Variants in CDK17 observed in about 807,000 individuals in gnomAD.
The protein encoded by CDK17 is cyclin-dependent kinase 17.
Under a neutral mutation model 77.6 loss-of-function variants are expected in CDK17, and 24 were observed. The observed-to-expected ratio is 0.31, with a 90% CI of 0.22 to 0.44. The LOEUF (loss-of-function observed/expected upper bound fraction) is 0.44, where lower values mean the gene tolerates loss of function less well. CDK17 is among the 20% of genes least tolerant of loss of function. The pLI is 1.00. For missense variants in CDK17, 429 were observed against 622.5 expected (o/e 0.69, Z 3.31); for synonymous variants, 203 against 210.4 (o/e 0.96, Z 0.30).
intron 13 of CDK17, among the ~76,000 whole-genome samples, chr12:96,285,015 T>A (rs1952229057): frequency 6.6e-6 from 1 of 152,146 alleles, no homozygotes; most frequent in African/African-American, 2.4e-5. Flanking sequence ...GTCTAGACAT[T>A]CTATGTAGTT....
intron 1 of CDK17, among the ~76,000 whole-genome samples, chr12:96,336,256 G>A (rs1480297864): frequency 1.3e-5 from 2 of 152,114 alleles, no homozygotes; most frequent in Non-Finnish European, 2.9e-5. Flanking sequence ...GGGGTCAGGA[G>A]GTTAAGACCA....
intron 1 of CDK17, among the ~76,000 whole-genome samples, chr12:96,391,599 T>A (rs535585929): frequency 6.6e-6 from 1 of 152,308 alleles, no homozygotes; most frequent in Non-Finnish European, 1.5e-5. Flanking sequence ...CCAGTTTTTT[T>A]CGGTTAAACC....
Position 96,400,154 on chromosome 12 carries a change from CGCCGCGGGTCCGGAGCCTCGGGAGGG to C in CDK17, c.-224_-199del, listed in dbSNP as rs1345527696. On this transcript the variant is annotated 5_prime_UTR_variant, in exon 1 of 17. Transcript: ENST00000261211. ...GCCGCCACAGCCGCCTTCCGGCTCT[CGCCGCGGGTCCGGAGCCTCGGGAGGG>C]GCCGCGGGTGTCTCACGCGTTGCCA... The C allele has an allele frequency of 2.6e-4, 102 of 394,476 alleles. No homozygotes were observed. Among genetic ancestry groups the C allele is most frequent in the African/African-American group, 1.6e-3 (79 of 48,500 alleles). 24.4% of individuals were successfully genotyped at this position (394,476 alleles called of 1,614,324 possible). A position where few individuals can be genotyped will look rare whatever the true frequency, so the allele number is the denominator to read the frequency against.
At chr12:96,317,114 G>A (rs1363526958) in intron 3 of CDK17, among the ~76,000 whole-genome samples, 2 of 143,886 alleles carry the variant, frequency 1.4e-5, no homozygotes, top group Non-Finnish European at 3.1e-5. Context: ...GTGCTTAAAG[G>A]AGCTGATGGA....
At position 96,297,288 on chromosome 12, in the gene CDK17, C is replaced by T; in HGVS notation, c.855G>A (p.Met285Ile). The T allele has an allele frequency of 6.2e-7, 1 of 1,610,922 alleles. No homozygotes were observed. Among genetic ancestry groups the T allele is most frequent in the Non-Finnish European group, 8.5e-7 (1 of 1,177,966 alleles). The change falls in exon 9 of 17, where the codon ATG (methionine) becomes ATA (isoleucine). Residue 285 changes from methionine to isoleucine, a missense_variant. By Grantham distance (10) the Met-to-Ile change is conservative (BLOSUM62 1). Around this residue, in one of 4 missense-constraint regions of CDK17, gnomAD observed 262 missense variants for 385.4 expected, o/e 0.68. Transcript: ENST00000261211. ...KQYMDDCGNI[M>I]SMHNVKLFLY... ...AACATACCTTTACGTTGTGCATACT[C>T]ATGATGTTTCCACAGTCATCCATGT...
chr12:96,368,148 T>C (rs762446331), intron 1 of CDK17, among the ~76,000 whole-genome samples: 1 of 152,136 alleles, frequency 6.6e-6, no homozygotes, highest in Non-Finnish European at 1.5e-5. Flanking sequence ...TATTTCTCTA[T>C]TCAACACAGA....
intron 5 of CDK17, among the ~76,000 whole-genome samples, chr12:96,304,263 G>C (rs1217623327): frequency 6.6e-6 from 1 of 152,168 alleles, no homozygotes; most frequent in African/African-American, 2.4e-5. Context: ...ACGGGGCCGG[G>C]CACGGTGGCT....
chr12:96,353,251 C>G (rs991636829), intron 1 of CDK17, among the ~76,000 whole-genome samples: 2 of 152,140 alleles, frequency 1.3e-5, no homozygotes, highest in African/African-American at 4.8e-5. Flanking sequence ...TACATTTCAG[C>G]TACTTCCCCT....
chr12:96,343,062 G>A (rs11108475), intron 1 of CDK17, among the ~76,000 whole-genome samples: 46,735 of 152,048 alleles, frequency 0.31, 7,508 homozygotes, highest in East Asian at 0.58. Context: ...AAAAAGAAAT[G>A]TACCAAAGAT....
chr12:96,282,721 AT>A (rs1952193146), intron 14 of CDK17, 122 bp from the exon 15 acceptor site: 2 of 626,184 alleles, frequency 3.2e-6, no homozygotes, highest in Non-Finnish European at 5.7e-6. Context: ...TATGATGACT[AT>A]TTTTCAATCA....
chr12:96,314,208 T>C (rs1182906253), intron 3 of CDK17, among the ~76,000 whole-genome samples: 4 of 152,136 alleles, frequency 2.6e-5, no homozygotes, highest in Admixed American at 2.6e-4. Flanking sequence ...ATATACTGTT[T>C]TGTTTTTGAG....
At chr12:96,334,347 CA>C (rs1362846953) in intron 2 of CDK17, among the ~76,000 whole-genome samples, 3 of 152,160 alleles carry the variant, frequency 2.0e-5, no homozygotes, top group African/African-American at 7.2e-5. Flanking sequence ...AGAAATTTCA[CA>C]GACTTCCTAT....
intron 4 of CDK17, among the ~76,000 whole-genome samples, chr12:96,312,534 TAAG>T (rs2137106748): frequency 6.6e-6 from 1 of 152,318 alleles, no homozygotes; most frequent in South Asian, 2.1e-4. Context: ...AGAAAACTGA[TAAG>T]ATTTCCTTAA....
At chr12:96,360,271 G>T (rs140518006) in intron 1 of CDK17, among the ~76,000 whole-genome samples, 1,532 of 152,296 alleles carry the variant, frequency 0.01, 48 homozygotes, top group Admixed American at 0.064. Context: ...GCGTAATGGA[G>T]GTGGAAGGGT....
At chr12:96,316,503 G>A (rs1952721536) in intron 3 of CDK17, among the ~76,000 whole-genome samples, 1 of 149,186 alleles carries the variant, frequency 6.7e-6, no homozygotes, top group Non-Finnish European at 1.5e-5. Flanking sequence ...TCTGGGGGCA[G>A]GGCACAGACA....
At chr12:96,358,370 T>TAAAAAAAAA (rs35899533) in intron 1 of CDK17, among the ~76,000 whole-genome samples, 1 of 35,182 alleles carries the variant, frequency 2.8e-5, no homozygotes, top group Admixed American at 3.1e-4. Context: ...TGCAAACTTG[T>TAAAAAAAAA]AAAAAAAAAA....
rs75747892 is a variant in CDK17, at chr12:96,390,416, A to T, written c.-30+9570T>A. Among the ~76,000 whole-genome samples the T allele has an allele frequency of 3.1e-4, 47 of 149,838 alleles. No homozygotes were observed. The East Asian group carries it at 5.5e-3, about 17-fold the overall frequency. ...AAAGTGCTGGGATTACAGGCATTTTAAAAAAGCCTTGGCCAGGTGCGGTGG... is the reference window on the plus strand; with the variant it reads ...AAAGTGCTGGGATTACAGGCATTTTTAAAAAGCCTTGGCCAGGTGCGGTGG... On this transcript the variant is annotated intron_variant, in intron 1 of 16. Transcript: ENST00000261211.
rs1196853271 is a variant in CDK17, at chr12:96,295,190, G to A, written c.874-68C>T. The A allele has an allele frequency of 6.4e-5, 81 of 1,265,538 alleles. No individual in the cohort carries two copies. The East Asian group carries it at 1.1e-3, about 16-fold the overall frequency. The allele number at this position is 1,265,538 out of a possible 1,614,324, so 78.4% of individuals were successfully genotyped here. On this transcript the variant is annotated intron_variant, in intron 9 of 16. Transcript: ENST00000261211. ...ATGCTTTAGTATAAGCATAAATGAT[G>A]GTAAGCAGAAAAGCAGCTGGCCTAG... is the stretch of plus-strand genomic sequence containing the variant.
intron 1 of CDK17, among the ~76,000 whole-genome samples, chr12:96,398,452 T>A (rs1954206801): frequency 6.6e-6 from 1 of 152,210 alleles, no homozygotes; most frequent in Non-Finnish European, 1.5e-5. Context: ...CCCCTTAAAA[T>A]CTAGTTTCGT....
Sources: gnomAD v4.1 joint callset for allele counts (sites outside exome capture counted in the v4.1 genomes callset) on GRCh38, gnomAD v4.1.1 for gene constraint, gnomAD v4.1.1 regional missense constraint, MANE v1.5 for transcripts, NCBI Gene and HGNC (gene_info 2026-07-23, HGNC 2026-07-21) for gene names.